The following SORCS3 variants were observed in gnomAD, a reference collection of about 807,000 sequenced individuals.
SORCS3 encodes sortilin related VPS10 domain containing receptor 3.
SORCS3 carries 57 observed loss-of-function variants against 146.3 expected under a neutral mutation model. That is an observed-to-expected ratio of 0.39 (90% CI 0.31 to 0.49). The LOEUF is 0.49. Ranked by LOEUF, SORCS3 falls within the 20% of genes least tolerant of loss-of-function variation. The pLI is 0.92. For missense variants in SORCS3, 1,341 were observed against 1,575.5 expected, an observed-to-expected ratio of 0.85 and a Z score of 2.52; for synonymous variants, 653 against 618.5, an observed-to-expected ratio of 1.06 and a Z score of -0.83.
At chr10:104,997,605 A>T (rs1173795326) in intron 4 of SORCS3, among the ~76,000 whole-genome samples, 1 of 152,102 alleles carries the variant, frequency 6.6e-6, no homozygotes. Context: ...AGATGCATAT[A>T]TGTGCTTTTT....
chr10:104,999,000 A>G (rs1361504014), intron 4 of SORCS3, among the ~76,000 whole-genome samples: 2 of 152,176 alleles, frequency 1.3e-5, no homozygotes, highest in African/African-American at 4.8e-5. Flanking sequence ...TGTGTGAATG[A>G]TGACATTTTC....
In SORCS3 at chr10:104,927,880, A is replaced by G. The variant is rs140269226; in HGVS notation, c.795+11948A>G. 2.2e-3 allele frequency among the ~76,000 whole-genome samples: 342 copies of G among 152,006 alleles called. 2 individuals are homozygous for G. The highest frequency in any genetic ancestry group is 8.0e-3 in the African/African-American group (330 of 41,426). On this transcript the variant is annotated intron_variant, in intron 3 of 26. Coordinates refer to ENST00000369701, the MANE Select transcript of SORCS3 (RefSeq NM_014978.3). The stretch of plus-strand genomic sequence containing the variant: ...GCAACAGAGCAAGACTCCGTCTGAA[A>G]AAAAAAAAAGAAGACAGTGTGTATC...
intron 8 of SORCS3, among the ~76,000 whole-genome samples, chr10:105,142,555 A>G (rs910830855): frequency 6.6e-5 from 10 of 152,188 alleles, no homozygotes; most frequent in Non-Finnish European, 8.8e-5. Context: ...AGCTTGTGTA[A>G]CCAATGGGAG....
chr10:105,106,954 C>T (rs2055826222), intron 7 of SORCS3, among the ~76,000 whole-genome samples: 1 of 152,188 alleles, frequency 6.6e-6, no homozygotes. Flanking sequence ...CTTCTCTACC[C>T]AGTACTCGCT....
At chr10:105,023,053 C>T (rs897681173) in intron 4 of SORCS3, among the ~76,000 whole-genome samples, 2 of 152,102 alleles carry the variant, frequency 1.3e-5, no homozygotes, top group East Asian at 1.9e-4. Context: ...GGTACCTTTT[C>T]CACTACCTGC....
chr10:104,871,592 A>G (rs1010107811), intron 2 of SORCS3, among the ~76,000 whole-genome samples: 2 of 152,126 alleles, frequency 1.3e-5, no homozygotes, highest in Non-Finnish European at 2.9e-5. Context: ...TACAACAGAC[A>G]TTTTTTCTTA....
chr10:105,048,345 T>G (rs1482252298), intron 5 of SORCS3, among the ~76,000 whole-genome samples: 1 of 149,888 alleles, frequency 6.7e-6, no homozygotes, highest in Non-Finnish European at 1.5e-5. Context: ...CATGGAATAC[T>G]ATGCAGCCAT....
At chr10:105,176,381 A>C (rs979899015) in intron 13 of SORCS3, among the ~76,000 whole-genome samples, 5 of 148,754 alleles carry the variant, frequency 3.4e-5, no homozygotes, top group African/African-American at 1.2e-4. Flanking sequence ...CCACCTCTAC[A>C]AAAATAATTA....
At chr10:104,752,829 G>A (rs964774051) in intron 1 of SORCS3, among the ~76,000 whole-genome samples, 1 of 152,040 alleles carries the variant, frequency 6.6e-6, no homozygotes, top group Non-Finnish European at 1.5e-5. Flanking sequence ...AAAATAGAGA[G>A]TTTAAGTATT....
intron 1 of SORCS3, among the ~76,000 whole-genome samples, chr10:104,811,617 A>G (rs903278074): frequency 2.0e-5 from 3 of 152,226 alleles, no homozygotes; most frequent in African/African-American, 7.2e-5. Context: ...GGAATTTAGG[A>G]TAAGCATTGC....
At chr10:104,762,582 T>G (rs1485369543) in intron 1 of SORCS3, among the ~76,000 whole-genome samples, 1 of 152,168 alleles carries the variant, frequency 6.6e-6, no homozygotes, top group East Asian at 1.9e-4. Context: ...TGCCCAAATC[T>G]CATCTCAAAT....
intron 2 of SORCS3, among the ~76,000 whole-genome samples, chr10:104,886,493 A>G (rs1479036617): frequency 6.6e-6 from 1 of 152,016 alleles, no homozygotes; most frequent in African/African-American, 2.4e-5. Context: ...TGTTATTTAT[A>G]TGTATATATA....
At chr10:104,676,057 T>A (rs1043071837) in intron 1 of SORCS3, among the ~76,000 whole-genome samples, 4 of 152,252 alleles carry the variant, frequency 2.6e-5, no homozygotes, top group Non-Finnish European at 5.9e-5. Flanking sequence ...GATCTGATGC[T>A]TTGTGATACC....
intron 7 of SORCS3, among the ~76,000 whole-genome samples, chr10:105,135,706 C>T (rs562033210): frequency 3.7e-4 from 57 of 152,256 alleles, no homozygotes; most frequent in Non-Finnish European, 7.5e-4. Flanking sequence ...CCTTGTACAC[C>T]GCTTACAATT....
At chr10:104,811,153 T>A (rs2017736416) in intron 1 of SORCS3, among the ~76,000 whole-genome samples, 1 of 152,232 alleles carries the variant, frequency 6.6e-6, no homozygotes, top group African/African-American at 2.4e-5. Flanking sequence ...TACTGGTACA[T>A]TTCGTGTGCC....
chr10:104,984,054 AC>A (rs1160569656), intron 4 of SORCS3, among the ~76,000 whole-genome samples: 13 of 152,102 alleles, frequency 8.5e-5, no homozygotes, highest in African/African-American at 3.1e-4. Context: ...TTCAGCCACT[AC>A]CTTCCACCCT....
intron 4 of SORCS3, among the ~76,000 whole-genome samples, chr10:105,026,350 C>G (rs117857488): frequency 1.3e-5 from 2 of 152,310 alleles, no homozygotes; most frequent in South Asian, 4.1e-4. Context: ...CAGAGTTGCC[C>G]GTGATCTTTA....
chr10:105,044,739 G>A (rs973867053), intron 5 of SORCS3, among the ~76,000 whole-genome samples: 8 of 151,118 alleles, frequency 5.3e-5, no homozygotes, highest in African/African-American at 1.9e-4. Context: ...TACATGGTTC[G>A]GAGTAGTTGT....
At chr10:104,752,453 A>T (rs138153145) in intron 1 of SORCS3, among the ~76,000 whole-genome samples, 41 of 152,318 alleles carry the variant, frequency 2.7e-4, no homozygotes, top group African/African-American at 9.9e-4. Flanking sequence ...AGGGAGGGGA[A>T]TCACCACTGA....
Sources: allele counts gnomAD v4.1 joint callset (sites outside exome capture counted in the v4.1 genomes callset), GRCh38; gene constraint gnomAD v4.1.1; transcripts MANE v1.5; gene names NCBI Gene and HGNC (gene_info 2026-07-23, HGNC 2026-07-21).